The following ATP10B variants were observed in gnomAD, a reference collection of about 807,000 sequenced individuals.
The protein encoded by ATP10B is phospholipid-transporting ATPase VB.
A neutral mutation model predicts 141.2 loss-of-function variants in ATP10B; 122 were observed. The ratio of observed to expected loss-of-function variants is 0.86; its 90% CI spans 0.75 to 1.00. The LOEUF (loss-of-function observed/expected upper bound fraction) is 1.00. ATP10B is among the 50% of genes least tolerant of loss of function. ATP10B has a pLI of 0.00. For missense variants in ATP10B, 1,876 were observed against 1,825.3 expected (o/e 1.03, Z -0.51); for synonymous variants, 685 against 692.0 (o/e 0.99, Z 0.16).
chr5:160,606,929 T>C lies in ATP10B; in HGVS notation c.2996A>G (p.Asp999Gly), dbSNP rs1356331446. The C allele has an allele frequency of 1.3e-5, 21 of 1,614,078 alleles. No individual in the cohort carries two copies. The highest frequency in any genetic ancestry group is 1.6e-5 in the Non-Finnish European group (19 of 1,180,022). Reference sequence around the variant, plus strand: ...GAAGATGGCATTCAATGTCTTCCCATCGATGACCAATCCAGCTTCTGGAAC... The same window carrying C: ...GAAGATGGCATTCAATGTCTTCCCACCGATGACCAATCCAGCTTCTGGAAC... ...AVVPEAGLVI[D>G]GKTLNAIFQG... The change falls in exon 19 of 26, where the codon GAT (aspartate) becomes GGT (glycine). Residue 999 changes from aspartate (D) to glycine (G), a missense_variant. Coordinates refer to ENST00000327245, the MANE Select transcript of ATP10B (RefSeq NM_025153.3).
At chr5:160,904,013 G>A in the ATP10B span, among the ~76,000 whole-genome samples, 10 of 152,124 alleles carry the variant, frequency 6.6e-5, no homozygotes, top group South Asian at 2.1e-4. Flanking sequence ...TACTGATGGC[G>A]TCAGCAGTAA....
intron 8 of ATP10B, among the ~76,000 whole-genome samples, chr5:160,644,478 G>A (rs988905105): frequency 6.6e-6 from 1 of 152,176 alleles, no homozygotes; most frequent in Non-Finnish European, 1.5e-5. Flanking sequence ...TGTCCACCCT[G>A]AGAAAATTGT....
intron 6 of ATP10B, among the ~76,000 whole-genome samples, chr5:160,675,520 G>A (rs1762972640): frequency 6.6e-6 from 1 of 152,180 alleles, no homozygotes; most frequent in African/African-American, 2.4e-5. Context: ...TCAAGCATCT[G>A]GATTTTATTA....
At position 160,602,669 on chromosome 5, in the gene ATP10B, A is replaced by G; in HGVS notation, c.3271T>C (p.Phe1091Leu). The change falls in exon 21 of 26, where the codon TTT becomes CTT. Residue 1091 changes from phenylalanine (F) to leucine (L), a missense_variant. Physicochemically the swap from Phe to Leu is conservative, Grantham distance 22. Transcript: ENST00000327245. ...VMSSDFAITR[F>L]KHLKKLLLVH... ...AGCAGCAACTTCTTGAGATGCTTAA[A>G]GCGGGTGATGGCAAAGTCGCTGGAC... 6.2e-7 allele frequency: 1 copy of G among 1,614,070 alleles called. No individual in the cohort carries two copies.
chr5:160,622,283 T>C, intron 14 of ATP10B, 111 bp downstream of exon 14: 1 of 1,119,848 alleles, frequency 8.9e-7, no homozygotes, highest in East Asian at 2.7e-5. Context: ...ACACTGTTGC[T>C]AGGACCCAAA....
the ATP10B span, among the ~76,000 whole-genome samples, chr5:160,893,357 G>C: frequency 6.6e-6 from 1 of 152,106 alleles, no homozygotes; most frequent in Non-Finnish European, 1.5e-5. Flanking sequence ...TGAGCTTGGT[G>C]GGGGGAGGGG....
intron 2 of ATP10B, among the ~76,000 whole-genome samples, chr5:160,762,017 C>G (rs1769084012): frequency 8.4e-6 from 1 of 119,196 alleles, no homozygotes; most frequent in Admixed American, 8.4e-5. Flanking sequence ...TAACCTAATC[C>G]CACAAAGACA....
the ATP10B span, among the ~76,000 whole-genome samples, chr5:160,899,913 C>A: frequency 1.3e-5 from 2 of 152,186 alleles, no homozygotes; most frequent in Admixed American, 6.5e-5. Flanking sequence ...CTCAGCTCCA[C>A]CCTCAAGAGG....
chr5:160,808,532 C>T (rs1772938910), intron 1 of ATP10B, among the ~76,000 whole-genome samples: 1 of 152,138 alleles, frequency 6.6e-6, no homozygotes. Context: ...CCTCCACTTC[C>T]TAATTATCAT....
intron 1 of ATP10B, among the ~76,000 whole-genome samples, chr5:160,830,424 A>AAT (rs1477021923): frequency 1.3e-5 from 2 of 152,120 alleles, no homozygotes; most frequent in African/African-American, 2.4e-5. Flanking sequence ...GTGCTGAATA[A>AAT]ATACATGTTT....
At chr5:160,806,153 T>C (rs1205694599) in intron 1 of ATP10B, among the ~76,000 whole-genome samples, 1 of 152,214 alleles carries the variant, frequency 6.6e-6, no homozygotes, top group African/African-American at 2.4e-5. Context: ...AGTTCAAATG[T>C]TAATCTCTTC....
chr5:160,922,147 T>C, the ATP10B span, among the ~76,000 whole-genome samples: 1 of 152,176 alleles, frequency 6.6e-6, no homozygotes, highest in Non-Finnish European at 1.5e-5. Context: ...AAAGTCTTCA[T>C]AGCAGAACTC....
intron 1 of ATP10B, among the ~76,000 whole-genome samples, chr5:160,844,869 C>T (rs995025183): frequency 2.6e-5 from 4 of 151,948 alleles, no homozygotes; most frequent in Non-Finnish European, 2.9e-5. Context: ...AATAACTTAG[C>T]GGTCATGTTA....
At chr5:160,867,968 G>A in the ATP10B span, among the ~76,000 whole-genome samples, 1 of 152,088 alleles carries the variant, frequency 6.6e-6, no homozygotes, top group Admixed American at 6.6e-5. Flanking sequence ...TTCAGGTCCT[G>A]TGCCTATCTA....
chr5:160,804,618 G>A (rs995103644), intron 1 of ATP10B, among the ~76,000 whole-genome samples: 1 of 152,188 alleles, frequency 6.6e-6, no homozygotes, highest in Non-Finnish European at 1.5e-5. Context: ...CTAGACTGGA[G>A]TTTGAAAACT....
chr5:160,647,308 C>A (rs746118397), intron 8 of ATP10B, among the ~76,000 whole-genome samples: 1 of 152,104 alleles, frequency 6.6e-6, no homozygotes, highest in Admixed American at 6.5e-5. Context: ...GGTGCCAGGC[C>A]TGAGGGTGTT....
Position 160,620,699 on chromosome 5 carries a change from G to T in ATP10B, c.2064C>A (p.Gly688=). ...GGYRSSMWDQ[G]DILESGSGTS... is the part of the protein sequence containing the mutation. ...TGCCTGACCCAGACTCCAGGATGTC[G>T]CCCTGGTCCCACATGCTGCTCCTGT... The change falls in exon 15 of 26, where the codon GGC becomes GGA. Residue 688 remains glycine, a synonymous_variant. Coordinates refer to ENST00000327245, the MANE Select transcript of ATP10B (RefSeq NM_025153.3). 1.2e-6 allele frequency: 2 copies of T among 1,614,096 alleles called. No homozygotes were observed. Among genetic ancestry groups the T allele is most frequent in the South Asian group, 1.1e-5 (1 of 91,076 alleles).
intron 1 of ATP10B, among the ~76,000 whole-genome samples, chr5:160,797,351 C>A (rs1054620944): frequency 1.3e-5 from 2 of 152,192 alleles, no homozygotes; most frequent in African/African-American, 4.8e-5. Flanking sequence ...AGCAGCTTTG[C>A]AAGTTTATCC....
At chr5:160,777,758 T>C (rs2127872826) in intron 2 of ATP10B, among the ~76,000 whole-genome samples, 1 of 152,326 alleles carries the variant, frequency 6.6e-6, no homozygotes, top group African/African-American at 2.4e-5. Context: ...GAGGATATAC[T>C]TATTGCAGCA....
Sources: allele counts gnomAD v4.1 joint callset (sites outside exome capture counted in the v4.1 genomes callset), GRCh38; gene constraint gnomAD v4.1.1; transcripts MANE v1.5; gene names NCBI Gene and HGNC (gene_info 2026-07-23, HGNC 2026-07-21).